The following ROBO1 variants were observed in gnomAD, a reference collection of about 807,000 sequenced individuals.
ROBO1 encodes roundabout guidance receptor 1.
Under a neutral mutation model 195.9 loss-of-function variants are expected in ROBO1, and 149 were observed. The observed-to-expected ratio is 0.76, with a 90% CI of 0.67 to 0.87. The LOEUF (loss-of-function observed/expected upper bound fraction) is 0.87, where lower values mean the gene tolerates loss of function less well. Among genes scored for constraint, ROBO1 ranks in the 40% least tolerant of loss-of-function variants. The probability of loss-of-function intolerance (pLI) is 0.00; values close to 1 mark genes in which losing one functional copy is unlikely to be tolerated. For missense variants in ROBO1, 1,933 were observed against 2,068.3 expected (o/e 0.93, Z 1.27); for synonymous variants, 816 against 733.2 (o/e 1.11, Z -1.82).
intron 2 of ROBO1, among the ~76,000 whole-genome samples, chr3:79,538,941 T>A (rs1376398965): frequency 6.6e-6 from 1 of 152,148 alleles, no homozygotes; most frequent in East Asian, 1.9e-4. Flanking sequence ...TGAATTTCCG[T>A]GCATAGCAAA....
chr3:78,979,432 A>T (rs561548864), intron 3 of ROBO1, among the ~76,000 whole-genome samples: 1 of 152,232 alleles, frequency 6.6e-6, no homozygotes, highest in Non-Finnish European at 1.5e-5. Flanking sequence ...CAATGGACTG[A>T]ATAATTGTTG....
rs754471558 is a variant in ROBO1 at position 78,670,216 on chromosome 3, A to G, written c.1428T>C (p.Cys476=). ...TGGGCACTGGACTGCCTGTGGCCAC[A>G]CAGCTGAGGACGAAAGTGCCATCCA... ...VAVDGTFVLS[C]VATGSPVPTI... is the part of the protein sequence containing the mutation. The change falls in exon 11 of 31, where the codon TGT becomes TGC. Residue 476 remains cysteine, a synonymous_variant. Coordinates refer to ENST00000464233, the MANE Select transcript of ROBO1 (RefSeq NM_002941.4). The G allele has an allele frequency of 2.2e-5, 35 of 1,607,982 alleles. No individual in the cohort carries two copies. The highest frequency in any genetic ancestry group is 3.0e-5 in the Non-Finnish European group (35 of 1,177,014).
At chr3:79,337,234 G>T (rs1379886440) in intron 2 of ROBO1, among the ~76,000 whole-genome samples, 1 of 152,162 alleles carries the variant, frequency 6.6e-6, no homozygotes, top group Non-Finnish European at 1.5e-5. Context: ...GAAAGGTGAG[G>T]ACATGAGATT....
At chr3:79,570,181 T>A (rs1467750534) in intron 2 of ROBO1, among the ~76,000 whole-genome samples, 1 of 151,860 alleles carries the variant, frequency 6.6e-6, no homozygotes, top group Non-Finnish European at 1.5e-5. Context: ...TTTAAATAGG[T>A]GAACAATTTC....
At chr3:78,703,171 TCTTTA>T (rs1391779878) in intron 8 of ROBO1, among the ~76,000 whole-genome samples, 1 of 152,140 alleles carries the variant, frequency 6.6e-6, no homozygotes, top group Admixed American at 6.6e-5. Context: ...CACAAGAAGT[TCTTTA>T]CTTTATTCCT....
intron 4 of ROBO1, among the ~76,000 whole-genome samples, chr3:78,896,255 G>T (rs891220552): frequency 6.6e-6 from 1 of 152,090 alleles, no homozygotes; most frequent in Admixed American, 6.6e-5. Context: ...AGTTTGCTCA[G>T]CTGTAAAATG....
intron 2 of ROBO1, among the ~76,000 whole-genome samples, chr3:79,365,297 C>A (rs2035927495): frequency 6.6e-6 from 1 of 152,162 alleles, no homozygotes; most frequent in Admixed American, 6.5e-5. Flanking sequence ...TATCAGTTCA[C>A]TTCTTGGCCT....
intron 2 of ROBO1, among the ~76,000 whole-genome samples, chr3:79,236,467 G>A (rs955779288): frequency 6.6e-5 from 10 of 152,150 alleles, no homozygotes; most frequent in Non-Finnish European, 8.8e-5. Flanking sequence ...TCATATATAC[G>A]AAAATTATAT....
chr3:78,998,082 A>G (rs2077410913), intron 3 of ROBO1, among the ~76,000 whole-genome samples: 1 of 152,176 alleles, frequency 6.6e-6, no homozygotes, highest in African/African-American at 2.4e-5. Flanking sequence ...TTGTGGAATT[A>G]AATTGTAACT....
chr3:79,151,733 C>G (rs2080775162), intron 2 of ROBO1, among the ~76,000 whole-genome samples: 1 of 151,840 alleles, frequency 6.6e-6, no homozygotes, highest in Non-Finnish European at 1.5e-5. Flanking sequence ...CGTTTGATCA[C>G]TACACTGAAG....
At position 78,827,702 on chromosome 3, in the gene ROBO1, C is replaced by T. The variant is rs147805822; in HGVS notation, c.500-80802G>A. Among the ~76,000 whole-genome samples, 345 of 152,228 alleles carry T rather than the reference C, an allele frequency of 2.3e-3. 2 individuals carry two copies. The highest frequency in any genetic ancestry group is 8.1e-3 in the African/African-American group (336 of 41,550). ...GCAGGATAGGCCAGTGGGCTGGAGA[C>T]GCAGAGAAGAGCTAATGTGCTAATG... On this transcript the variant is annotated intron_variant, in intron 4 of 30. Transcript: ENST00000464233.
At chr3:79,425,569 T>G (rs1271577968) in intron 2 of ROBO1, among the ~76,000 whole-genome samples, 1 of 152,046 alleles carries the variant, frequency 6.6e-6, no homozygotes, top group Admixed American at 6.6e-5. Context: ...ACTGAATTAG[T>G]AGACACAAAA....
intron 3 of ROBO1, among the ~76,000 whole-genome samples, chr3:79,086,727 C>T (rs1303047983): frequency 6.6e-6 from 1 of 152,126 alleles, no homozygotes; most frequent in Non-Finnish European, 1.5e-5. Flanking sequence ...CGCTCCCCTG[C>T]CCTGCCCCGC....
At chr3:79,584,253 AAT>A (rs10526101) in intron 2 of ROBO1, among the ~76,000 whole-genome samples, 10,044 of 144,424 alleles carry the variant, frequency 0.07, 447 homozygotes, top group Admixed American at 0.12. Context: ...AGGTACATGT[AAT>A]ATATATATAT....
intron 1 of ROBO1, among the ~76,000 whole-genome samples, chr3:79,706,365 T>C (rs960439482): frequency 2.0e-5 from 3 of 152,180 alleles, no homozygotes; most frequent in African/African-American, 7.2e-5. Context: ...CTAATGGGTG[T>C]TGGATTTTGA....
rs574263582 is a variant in ROBO1 at position 79,004,693 on chromosome 3, C to A, written c.173-65766G>T. On this transcript the variant is annotated intron_variant, in intron 3 of 30. Coordinates refer to ENST00000464233, the MANE Select transcript of ROBO1 (RefSeq NM_002941.4). ...CAGGAAAGGATATAGACAGTGTATCCCCAAATAGAGGAAGCAGATGTTAGA... is the reference window on the plus strand; with the variant it reads ...CAGGAAAGGATATAGACAGTGTATCACCAAATAGAGGAAGCAGATGTTAGA... Among the ~76,000 whole-genome samples the A allele has an allele frequency of 2.6e-4, 40 of 152,026 alleles. 1 individual carries two copies. The South Asian group carries it at 8.1e-3, about 31-fold the overall frequency.
At chr3:79,546,128 T>C (rs1396967025) in intron 2 of ROBO1, among the ~76,000 whole-genome samples, 1 of 152,106 alleles carries the variant, frequency 6.6e-6, no homozygotes, top group Non-Finnish European at 1.5e-5. Flanking sequence ...GTATGTATAA[T>C]ACATACATTA....
intron 28 of ROBO1, among the ~76,000 whole-genome samples, chr3:78,607,898 A>G (rs1230951266): frequency 2.6e-5 from 4 of 152,156 alleles, no homozygotes; most frequent in East Asian, 3.9e-4. Context: ...TGTTCTTTAT[A>G]TTACTACATT....
intron 2 of ROBO1, among the ~76,000 whole-genome samples, chr3:79,393,144 T>G (rs1426718016): frequency 6.6e-6 from 1 of 152,222 alleles, no homozygotes. Flanking sequence ...TATCATTTGG[T>G]CATAGGTAGA....
Sources: allele counts gnomAD v4.1 joint callset (sites outside exome capture counted in the v4.1 genomes callset), GRCh38; gene constraint gnomAD v4.1.1; transcripts MANE v1.5; gene names NCBI Gene and HGNC (gene_info 2026-07-23, HGNC 2026-07-21).